The following SCN2A variants were observed in gnomAD, a reference collection of about 807,000 sequenced individuals.
SCN2A encodes the protein sodium voltage-gated channel alpha subunit 2.
In SCN2A, 20 loss-of-function variants were observed where a neutral mutation model predicts 188.7. The ratio of observed to expected loss-of-function variants is 0.11; its 90% CI spans 0.07 to 0.15. The LOEUF (loss-of-function observed/expected upper bound fraction) is 0.15, where lower values mean the gene tolerates loss of function less well. Ranked by LOEUF, SCN2A falls within the 10% of genes least tolerant of loss-of-function variation. The pLI, the probability that SCN2A is intolerant of heterozygous loss-of-function variation, is 1.00. For synonymous variants in SCN2A, 804 were observed against 833.1 expected (o/e 0.97, Z 0.60); for missense variants, 1,278 against 2,445.0 (o/e 0.52, Z 10.07).
chr2:165,377,225 G>A (rs1387580833), intron 22 of SCN2A, among the ~76,000 whole-genome samples: 1 of 151,880 alleles, frequency 6.6e-6, no homozygotes, highest in Non-Finnish European at 1.5e-5. Flanking sequence ...AAATAATGCA[G>A]CATACTTTTG....
At chr2:165,385,791 A>C (rs1299724473) in intron 25 of SCN2A, among the ~76,000 whole-genome samples, 21 of 152,324 alleles carry the variant, frequency 1.4e-4, no homozygotes, top group Admixed American at 1.2e-3. Flanking sequence ...ATATAAAGTC[A>C]GAAATCAGAC....
rs778944938 is a variant in SCN2A at position 165,323,386 on chromosome 2, G to A, written c.1902G>A (p.Val634=). Residue 634 remains valine, a synonymous_variant, in exon 12 of 27, where the codon GTG becomes GTA. Coordinates refer to ENST00000375437, the MANE Select transcript of SCN2A (RefSeq NM_001040142.2). The part of the protein sequence containing the change: ...NVSQASRASR[V]LPILPMNGKM... Reference sequence around the variant, plus strand: ...GCCAGGCCAGCCGTGCCTCCAGGGTGCTCCCCATCCTGCCCATGAATGGGA... The same window carrying A: ...GCCAGGCCAGCCGTGCCTCCAGGGTACTCCCCATCCTGCCCATGAATGGGA... 1.2e-6 allele frequency: 2 copies of A among 1,614,054 alleles called. No homozygotes were observed. The highest frequency in any genetic ancestry group is 1.7e-6 in the Non-Finnish European group (2 of 1,180,026).
intron 14 of SCN2A, among the ~76,000 whole-genome samples, chr2:165,340,584 A>T (rs1699258081): frequency 6.6e-6 from 1 of 152,312 alleles, no homozygotes; most frequent in Admixed American, 6.5e-5. Context: ...ATTTCTAGAG[A>T]CTAGGAGGTA....
At chr2:165,379,659 C>A (rs984004401) in intron 23 of SCN2A, among the ~76,000 whole-genome samples, 1 of 151,742 alleles carries the variant, frequency 6.6e-6, no homozygotes, top group Admixed American at 6.6e-5. Context: ...AACTCACATA[C>A]ACAAATAAAA....
Position 165,381,216 on chromosome 2 carries a change from C to G in SCN2A, c.4551+19C>G, listed in dbSNP as rs753272771. 3 of 1,496,956 alleles carry G rather than the reference C, an allele frequency of 2.0e-6. 1 individual carries two copies. The South Asian group carries it at 3.6e-5, about 18-fold the overall frequency. 92.7% of individuals were successfully genotyped at this position (1,496,956 alleles called of 1,614,324 possible). A position where few individuals can be genotyped will look rare whatever the true frequency, so the allele number is the denominator to read the frequency against. On this transcript the variant is annotated intron_variant, in intron 25 of 26. Coordinates refer to ENST00000375437, the MANE Select transcript of SCN2A (RefSeq NM_001040142.2). ...ACCTGCTGTAAGAATAACATATTTT[C>G]ATTGCCTGTTAAAACTATATTACCT...
Position 165,354,531 on chromosome 2 carries a change from G to A in SCN2A, c.3259G>A (p.Val1087Met), listed in dbSNP as rs765278777. The change falls in exon 17 of 27, where the codon GTG (valine) becomes ATG (methionine). Residue 1087 changes from valine (V) to methionine (M), a missense_variant. Physicochemically the swap from Val to Met is conservative, Grantham distance 21. This residue lies in a region of SCN2A where 228 missense variants were observed against 297.3 expected (regional missense o/e 0.77). Transcript: ENST00000375437. ...GIGSSVEKYV[V>M]DESDYMSFIN... ...AGGCAGCAGTGTAGAAAAATATGTC[G>A]TGGATGAAAGTGATTACATGTCATT... 9 of 1,614,074 alleles carry A rather than the reference G, an allele frequency of 5.6e-6. No homozygotes were observed. The Admixed American group carries it at 6.7e-5, about 12-fold the overall frequency.
Position 165,317,187 on chromosome 2 carries a change from C to A in SCN2A, c.1671+1429C>A, listed in dbSNP as rs530733002. On this transcript the variant is annotated intron_variant, in intron 11 of 26. Transcript: ENST00000375437. ...AAGATTGCATACTTGGGGATTAATT[C>A]AAATTTAACATAGGATCTTTAAATA... Among the ~76,000 whole-genome samples, 3 of 152,048 alleles carry A rather than the reference C, an allele frequency of 2.0e-5. No homozygotes were observed. The East Asian group carries it at 5.8e-4, about 29-fold the overall frequency.
chr2:165,291,525 TTTCCTTCC>T (rs369490510), intron 1 of SCN2A, among the ~76,000 whole-genome samples: 7,841 of 58,462 alleles, frequency 0.13, 856 homozygotes, highest in South Asian at 0.19. Context: ...CTCTCCTTTC[TTTCCTTCC>T]TTCCTTCCTT....
intron 1 of SCN2A, among the ~76,000 whole-genome samples, chr2:165,279,975 C>T (rs530883289): frequency 3.9e-5 from 6 of 152,264 alleles, no homozygotes; most frequent in African/African-American, 1.4e-4. Context: ...TTGCCTGCCA[C>T]CATTCACGAA....
chr2:165,377,047 G>A (rs1701352021), intron 22 of SCN2A, among the ~76,000 whole-genome samples: 1 of 151,958 alleles, frequency 6.6e-6, no homozygotes. Context: ...AGGAAATGCA[G>A]TAGAATATAT....
At chr2:165,327,336 G>A (rs1375992374) in intron 13 of SCN2A, 1 of 236,658 alleles carries the variant, frequency 4.2e-6, no homozygotes, top group Admixed American at 5.2e-5. Context: ...TTAACTGCTT[G>A]AGACACAAGT....
At chr2:165,268,153 T>C (rs1468540691) in intron 1 of SCN2A, 4 of 151,860 alleles carry the variant, frequency 2.6e-5, no homozygotes, top group African/African-American at 9.7e-5. Flanking sequence ...TTTCACAAGA[T>C]AGAGAAAGAA....
chr2:165,352,484 T>TGC (rs2105333923), intron 16 of SCN2A, among the ~76,000 whole-genome samples: 1 of 152,318 alleles, frequency 6.6e-6, no homozygotes, highest in East Asian at 1.9e-4. Context: ...GAATGTAGAA[T>TGC]CCTTTTTATT....
chr2:165,356,741 G>C (rs1327216906), intron 17 of SCN2A, among the ~76,000 whole-genome samples: 2 of 152,062 alleles, frequency 1.3e-5, no homozygotes, highest in South Asian at 2.1e-4. Context: ...TACAGCCGTG[G>C]GTTTTCCAAA....
intron 25 of SCN2A, among the ~76,000 whole-genome samples, chr2:165,383,645 AG>A (rs1341441604): frequency 6.6e-6 from 1 of 152,178 alleles, no homozygotes; most frequent in Non-Finnish European, 1.5e-5. Context: ...CAGAGATGGT[AG>A]GTAGCCTGAA....
intron 1 of SCN2A, chr2:165,241,156 G>A (rs1043651664): frequency 6.7e-6 from 1 of 149,958 alleles, no homozygotes; most frequent in Non-Finnish European, 1.5e-5. Flanking sequence ...GTGTGTGTGT[G>A]TGCATGTGTG....
intron 16 of SCN2A, among the ~76,000 whole-genome samples, chr2:165,350,324 G>C (rs911441993): frequency 4.5e-4 from 69 of 151,994 alleles, no homozygotes; most frequent in African/African-American, 1.6e-3. Context: ...AATTCAAAAT[G>C]GAAATTATGG....
chr2:165,318,848 G>A (rs939523160), intron 11 of SCN2A, among the ~76,000 whole-genome samples: 1 of 152,048 alleles, frequency 6.6e-6, no homozygotes, highest in African/African-American at 2.4e-5. Flanking sequence ...TAGCTAATTC[G>A]AAGTCCCTTG....
intron 14 of SCN2A, among the ~76,000 whole-genome samples, chr2:165,338,769 T>C (rs966706194): frequency 1.3e-5 from 2 of 152,172 alleles, no homozygotes; most frequent in South Asian, 2.1e-4. Context: ...GATCAATTAA[T>C]TGGCCATATT....
Sources: gnomAD v4.1 joint callset for allele counts (sites outside exome capture counted in the v4.1 genomes callset) on GRCh38, gnomAD v4.1.1 for gene constraint, gnomAD v4.1.1 regional missense constraint, MANE v1.5 for transcripts, NCBI Gene and HGNC (gene_info 2026-07-23, HGNC 2026-07-21) for gene names.